Variants in CNTN4 observed in about 807,000 individuals in gnomAD.
CNTN4 encodes contactin 4.
CNTN4 carries 77 observed loss-of-function variants against 122.5 expected under a neutral mutation model. The ratio of observed to expected loss-of-function variants is 0.63; its 90% confidence interval spans 0.52 to 0.76. The LOEUF (loss-of-function observed/expected upper bound fraction) is 0.76, where lower values mean the gene tolerates loss of function less well. Ranked by LOEUF, CNTN4 falls within the 30% of genes least tolerant of loss-of-function variation. CNTN4 has a pLI of 0.00. For synonymous variants in CNTN4, 512 were observed against 447.0 expected (o/e 1.15, Z -1.83); for missense variants, 1,256 against 1,259.1 (o/e 1.00, Z 0.04).
At chr3:2,484,073 T>C (rs1024177145) in intron 3 of CNTN4, among the ~76,000 whole-genome samples, 1 of 152,154 alleles carries the variant, frequency 6.6e-6, no homozygotes, top group Non-Finnish European at 1.5e-5. Context: ...AAAGGACTGT[T>C]AGCAAAATCT....
chr3:2,183,391 T>A (rs1162751628), intron 2 of CNTN4, among the ~76,000 whole-genome samples: 1 of 152,318 alleles, frequency 6.6e-6, no homozygotes, highest in East Asian at 1.9e-4. Context: ...GAATCCGTAA[T>A]AACAATAGGA....
At chr3:2,796,337 C>T (rs755713688) in intron 6 of CNTN4, among the ~76,000 whole-genome samples, 1 of 152,076 alleles carries the variant, frequency 6.6e-6, no homozygotes, top group South Asian at 2.1e-4. Flanking sequence ...AAAGTTGAAG[C>T]ACTCATCAGT....
In CNTN4 at chr3:2,856,054, T is replaced by C. The variant is rs1479967966; in HGVS notation, c.455-10698T>C. 2.0e-5 allele frequency among the ~76,000 whole-genome samples: 3 copies of C among 152,166 alleles called. No homozygotes were observed. The South Asian group carries it at 6.2e-4, about 32-fold the overall frequency. ...AAGCGACTTCTTTCTCAACTAACAC[T>C]TTGGGCCTGGAGTTCAGCAATAATA... On this transcript the variant is annotated intron_variant, in intron 7 of 24. Coordinates refer to ENST00000418658, the MANE Select transcript of CNTN4 (RefSeq NM_175607.3).
chr3:2,679,150 T>A (rs1044742090), intron 4 of CNTN4, among the ~76,000 whole-genome samples: 16 of 152,200 alleles, frequency 1.1e-4, no homozygotes, highest in Non-Finnish European at 4.4e-5. Context: ...CCTGCCTATC[T>A]GTCAAATGTT....
chr3:2,388,947 C>A (rs1419552452), intron 3 of CNTN4, among the ~76,000 whole-genome samples: 1 of 152,018 alleles, frequency 6.6e-6, no homozygotes, highest in African/African-American at 2.4e-5. Flanking sequence ...CACCTAAGGT[C>A]AGGAGTTCGA....
At chr3:2,715,029 G>T (rs1379504489) in intron 4 of CNTN4, among the ~76,000 whole-genome samples, 3 of 152,136 alleles carry the variant, frequency 2.0e-5, no homozygotes, top group Non-Finnish European at 4.4e-5. Context: ...AACAGCATTT[G>T]GCAGCTTTCT....
chr3:2,576,163 T>G (rs1355879002), intron 4 of CNTN4, among the ~76,000 whole-genome samples: 1 of 152,180 alleles, frequency 6.6e-6, no homozygotes, highest in African/African-American at 2.4e-5. Context: ...AAAATAACTT[T>G]CCCTACTAGA....
rs145576339 is a variant in CNTN4, at chr3:2,787,946, C to T, written c.359-31540C>T. Reference sequence around the variant, plus strand: ...CTGTGATTACAGGCATCCGCCACCACGCCTGGCTAAATTTTGTATTTTTAG... The same window carrying T: ...CTGTGATTACAGGCATCCGCCACCATGCCTGGCTAAATTTTGTATTTTTAG... On this transcript the variant is annotated intron_variant, in intron 6 of 24. Coordinates refer to ENST00000418658, the MANE Select transcript of CNTN4 (RefSeq NM_175607.3). 2.1e-3 allele frequency among the ~76,000 whole-genome samples: 323 copies of T among 152,164 alleles called. 2 individuals are homozygous for T. Among genetic ancestry groups the T allele is most frequent in the African/African-American group, 7.5e-3 (312 of 41,526 alleles).
chr3:2,152,491 G>C (rs2035535410), intron 2 of CNTN4, among the ~76,000 whole-genome samples: 1 of 152,160 alleles, frequency 6.6e-6, no homozygotes, highest in Non-Finnish European at 1.5e-5. Context: ...GCCACACTCT[G>C]GTTGCTCTTA....
chr3:2,500,553 T>A (rs1046906885), intron 3 of CNTN4, among the ~76,000 whole-genome samples: 24 of 152,252 alleles, frequency 1.6e-4, no homozygotes, highest in African/African-American at 5.8e-4. Context: ...TACTTGCTTT[T>A]TGTTTCTGGT....
chr3:2,557,355 G>A (rs1430061348), intron 3 of CNTN4, among the ~76,000 whole-genome samples: 3 of 152,208 alleles, frequency 2.0e-5, no homozygotes, highest in Admixed American at 1.3e-4. Context: ...TAGTAAATAA[G>A]AAATTTAGGG....
chr3:3,014,284 G>A (rs1166197777), intron 14 of CNTN4, among the ~76,000 whole-genome samples: 1 of 152,146 alleles, frequency 6.6e-6, no homozygotes, highest in African/African-American at 2.4e-5. Flanking sequence ...GTACTAGAGT[G>A]CTTCACTTAT....
chr3:2,983,924 C>T (rs1182574832), intron 13 of CNTN4, among the ~76,000 whole-genome samples: 1 of 152,216 alleles, frequency 6.6e-6, no homozygotes, highest in Non-Finnish European at 1.5e-5. Context: ...ACCCCTTCTA[C>T]AAATGATCTC....
chr3:2,169,736 T>C (rs1227557031), intron 2 of CNTN4, among the ~76,000 whole-genome samples: 1 of 152,168 alleles, frequency 6.6e-6, no homozygotes, highest in African/African-American at 2.4e-5. Context: ...TGAAAAACAG[T>C]AGTGAATATA....
At chr3:2,384,889 G>A (rs1427199827) in intron 3 of CNTN4, among the ~76,000 whole-genome samples, 1 of 151,472 alleles carries the variant, frequency 6.6e-6, no homozygotes, top group East Asian at 1.9e-4. Context: ...TTTTTTGTTA[G>A]TGCACTGCCT....
rs78951443 is a variant in CNTN4 at position 2,144,978 on chromosome 3, G to A, written c.-145+44339G>A. On this transcript the variant is annotated intron_variant, in intron 2 of 24. Coordinates refer to ENST00000418658, the MANE Select transcript of CNTN4 (RefSeq NM_175607.3). Reference sequence around the variant, plus strand: ...TTGTACCATGATATACATCATTTTCGCTCCCCTAGGAAAGCACTGCTGATG... The same window carrying A: ...TTGTACCATGATATACATCATTTTCACTCCCCTAGGAAAGCACTGCTGATG... Among the ~76,000 whole-genome samples, 1,080 of 152,242 alleles carry A rather than the reference G, an allele frequency of 7.1e-3. 14 individuals are homozygous for A. Among genetic ancestry groups the A allele is most frequent in the African/African-American group, 0.019 (774 of 41,540 alleles).
intron 2 of CNTN4, among the ~76,000 whole-genome samples, chr3:2,234,940 G>A (rs1559365975): frequency 6.6e-6 from 1 of 152,136 alleles, no homozygotes; most frequent in South Asian, 2.1e-4. Context: ...GACAAAATCT[G>A]TTTACTTGCT....
chr3:2,798,029 TA>T (rs1334751008), intron 6 of CNTN4, among the ~76,000 whole-genome samples: 6 of 149,768 alleles, frequency 4.0e-5, no homozygotes, highest in African/African-American at 1.5e-4. Context: ...ATCACCTAAA[TA>T]ATGTGCATTG....
At chr3:2,653,572 T>C (rs956696897) in intron 4 of CNTN4, among the ~76,000 whole-genome samples, 1 of 152,208 alleles carries the variant, frequency 6.6e-6, no homozygotes, top group Non-Finnish European at 1.5e-5. Context: ...AGATTGGTCT[T>C]TTCACTGATG....
Sources: gnomAD v4.1 joint callset for allele counts (sites outside exome capture counted in the v4.1 genomes callset) on GRCh38, gnomAD v4.1.1 for gene constraint, MANE v1.5 for transcripts, NCBI Gene and HGNC (gene_info 2026-07-23, HGNC 2026-07-21) for gene names.